FASTKD1: variants seen among roughly 807,000 people sequenced by gnomAD.
FASTKD1 encodes the protein FAST kinase domain-containing protein 1, mitochondrial.
Under a neutral mutation model 90.9 loss-of-function variants are expected in FASTKD1, and 94 were observed. The ratio of observed to expected loss-of-function variants is 1.03; its 90% CI spans 0.88 to 1.23. The LOEUF (loss-of-function observed/expected upper bound fraction) is 1.23, where lower values mean the gene tolerates loss of function less well. Ranked by LOEUF, FASTKD1 falls within the 50% of genes most tolerant of loss-of-function variation. The pLI is 0.00. For missense variants in FASTKD1, 945 were observed against 993.5 expected (o/e 0.95, Z 0.66); for synonymous variants, 319 against 345.8 (o/e 0.92, Z 0.86).
chr2:169,548,866 G>A (rs191269070), intron 7 of FASTKD1, among the ~76,000 whole-genome samples: 124 of 152,074 alleles, frequency 8.2e-4, no homozygotes, highest in African/African-American at 2.8e-3. Flanking sequence ...AGGCCAAGGC[G>A]GGCAGATCAC....
intron 12 of FASTKD1, among the ~76,000 whole-genome samples, chr2:169,535,261 T>C (rs1432236365): frequency 6.6e-6 from 1 of 151,980 alleles, no homozygotes; most frequent in Non-Finnish European, 1.5e-5. Flanking sequence ...TAACTCACTG[T>C]AGACTCAACT....
At chr2:169,555,930 C>G (rs922576374) in intron 6 of FASTKD1, among the ~76,000 whole-genome samples, 3 of 151,994 alleles carry the variant, frequency 2.0e-5, no homozygotes, top group African/African-American at 7.3e-5. Context: ...AAAATTACAG[C>G]CTTGGTGGTA....
At chr2:169,542,974 T>C (rs1685022642) in intron 9 of FASTKD1, among the ~76,000 whole-genome samples, 2 of 152,182 alleles carry the variant, frequency 1.3e-5, no homozygotes, top group South Asian at 4.1e-4. Context: ...ATGTTTAATC[T>C]GAACCTAACC....
At chr2:169,559,067 C>T (rs775791569) in intron 5 of FASTKD1, among the ~76,000 whole-genome samples, 31 of 151,194 alleles carry the variant, frequency 2.1e-4, no homozygotes, top group Non-Finnish European at 3.4e-4. Flanking sequence ...CTGCACCTCC[C>T]GGGTTCAAGC....
chr2:169,538,199 A>C, intron 10 of FASTKD1, 58 bp from the exon 11 acceptor site: 4 of 1,461,730 alleles, frequency 2.7e-6, no homozygotes, highest in Non-Finnish European at 3.7e-6. Context: ...AAGACAACCC[A>C]TTTTTTTCAC....
At chr2:169,553,233 T>C (rs371213139) in intron 7 of FASTKD1, among the ~76,000 whole-genome samples, 5 of 25,936 alleles carry the variant, frequency 1.9e-4, no homozygotes, top group Admixed American at 1.8e-3. Context: ...TAAAAATAAA[T>C]AAAAACATAA....
intron 7 of FASTKD1, among the ~76,000 whole-genome samples, chr2:169,551,967 A>G (rs1685509455): frequency 6.6e-6 from 1 of 152,132 alleles, no homozygotes; most frequent in African/African-American, 2.4e-5. Flanking sequence ...ACAACAACAG[A>G]CATTATTCCA....
chr2:169,558,931 T>C (rs12052238), intron 5 of FASTKD1, among the ~76,000 whole-genome samples: 11,381 of 151,704 alleles, frequency 0.075, 564 homozygotes, highest in South Asian at 0.21. Context: ...CATCTTGATA[T>C]AGTCTTAAGA....
At chr2:169,561,532 T>C (rs1392558747) in intron 4 of FASTKD1, among the ~76,000 whole-genome samples, 2 of 151,756 alleles carry the variant, frequency 1.3e-5, no homozygotes, top group Non-Finnish European at 2.9e-5. Flanking sequence ...TAAATGTTAG[T>C]TTCAAATTAA....
chr2:169,557,345 C>A, intron 5 of FASTKD1, 48 bp from the exon 6 acceptor site: 2 of 1,078,062 alleles, frequency 1.9e-6, no homozygotes, highest in Non-Finnish European at 1.4e-6. Flanking sequence ...TGAAAATTAG[C>A]TTGCAATTTT....
chr2:169,530,882 CA>C lies in FASTKD1; in HGVS notation c.2328-182del. The C allele has an allele frequency of 1.2e-5, 8 of 675,190 alleles. No homozygotes were observed. The East Asian group carries it at 2.2e-4, about 18-fold the overall frequency. The allele number at this position is 675,190 out of a possible 1,614,324, so 41.8% of individuals were successfully genotyped here. On this transcript the variant is annotated intron_variant, in intron 13 of 14. Transcript: ENST00000453153. ...TTGATGACAAACCTATTTAGTTACA[CA>C]AAATTATTGTAAATATTTGTCTGCT...
chr2:169,547,411 C>A (rs547217287), intron 7 of FASTKD1, among the ~76,000 whole-genome samples: 1 of 152,050 alleles, frequency 6.6e-6, no homozygotes, highest in Non-Finnish European at 1.5e-5. Context: ...TTAAGACCCA[C>A]GATCAGAAAG....
At chr2:169,568,693 A>T (rs192822001) in intron 3 of FASTKD1, among the ~76,000 whole-genome samples, 184 of 151,134 alleles carry the variant, frequency 1.2e-3, no homozygotes, top group African/African-American at 4.3e-3. Context: ...AGAAAGAAAG[A>T]AAAGAAAAGA....
At chr2:169,544,863 G>C in intron 8 of FASTKD1, 28 bp from the exon 9 acceptor site, 1 of 1,341,720 alleles carries the variant, frequency 7.5e-7, no homozygotes, top group Non-Finnish European at 1.0e-6. Context: ...AAAATTTATA[G>C]TTTAAACTTT....
chr2:169,538,455 T>C (rs1463439617), intron 10 of FASTKD1, among the ~76,000 whole-genome samples: 2 of 152,082 alleles, frequency 1.3e-5, no homozygotes, highest in Admixed American at 6.5e-5. Flanking sequence ...GGTGGGCGGA[T>C]CACCTGAGGT....
chr2:169,564,332 GT>G (rs1489601649), intron 3 of FASTKD1, among the ~76,000 whole-genome samples: 3 of 151,974 alleles, frequency 2.0e-5, no homozygotes, highest in African/African-American at 4.8e-5. Context: ...ATTTTATTAT[GT>G]TTTTAAGACA....
chr2:169,540,413 A>G (rs995276353), intron 9 of FASTKD1, among the ~76,000 whole-genome samples: 1 of 152,218 alleles, frequency 6.6e-6, no homozygotes, highest in African/African-American at 2.4e-5. Context: ...TCTTGATCTC[A>G]GTACTGATTC....
At chr2:169,561,838 AAATTATTTATTAATTTATTGTAAAAT>A (rs1212381475) in intron 4 of FASTKD1, among the ~76,000 whole-genome samples, 5 of 137,980 alleles carry the variant, frequency 3.6e-5, no homozygotes, top group South Asian at 2.3e-4. Flanking sequence ...AATTTATTGT[AAATTATTTATTAATTTATTGTAAAAT>A]AATTATTTAT....
rs1683798815 is a variant in FASTKD1 at position 169,563,345 on chromosome 2, T to A, written c.452A>T (p.Asp151Val). The change falls in exon 4 of 15, where the codon GAT (aspartate) becomes GTT (valine). Residue 151 changes from aspartate (D) to valine (V), a missense_variant. Asp to Val is a radical substitution (Grantham distance 152). Transcript: ENST00000453153. Reference protein sequence around the residue: ...TEAWRRLERFDIKLLSEFSSC... With the variant: ...TEAWRRLERFVIKLLSEFSSC... ...GGAAAATTCTGAGAGCAGTTTAATA[T>A]CAAACCTATTAAAGGAAATATACAA... 1.3e-6 allele frequency: 2 copies of A among 1,591,000 alleles called. No homozygotes were observed. Among genetic ancestry groups the A allele is most frequent in the Non-Finnish European group, 8.6e-7 (1 of 1,161,302 alleles).
Sources: allele counts gnomAD v4.1 joint callset (sites outside exome capture counted in the v4.1 genomes callset), GRCh38; gene constraint gnomAD v4.1.1; transcripts MANE v1.5; gene names NCBI Gene and HGNC (gene_info 2026-07-23, HGNC 2026-07-21).